Variants in KCNMB4 observed in about 807,000 individuals in gnomAD.
KCNMB4 encodes potassium calcium-activated channel subfamily M regulatory beta subunit 4.
Under a neutral mutation model 20.7 loss-of-function variants are expected in KCNMB4, and 3 were observed. That is an observed-to-expected ratio of 0.14 (90% confidence interval 0.07 to 0.37). The LOEUF (loss-of-function observed/expected upper bound fraction) is 0.37, where lower values mean the gene tolerates loss of function less well. Among genes scored for constraint, KCNMB4 ranks in the 10% least tolerant of loss-of-function variants. KCNMB4 has a pLI of 1.00. For missense variants in KCNMB4, 168 were observed against 265.9 expected (o/e 0.63, Z 2.56); for synonymous variants, 110 against 113.4 (o/e 0.97, Z 0.19).
intron 1 of KCNMB4, among the ~76,000 whole-genome samples, chr12:70,391,931 G>GTATATATAT (rs1868303070): frequency 6.6e-6 from 1 of 152,192 alleles, no homozygotes; most frequent in Non-Finnish European, 1.5e-5. Context: ...TGTGAAATGG[G>GTATATATAT]ATGTATATTA....
intron 1 of KCNMB4, among the ~76,000 whole-genome samples, chr12:70,392,785 G>A (rs577967012): frequency 1.3e-5 from 2 of 152,210 alleles, no homozygotes; most frequent in South Asian, 4.2e-4. Flanking sequence ...TGAAAAATGA[G>A]AACATAGGGA....
At chr12:70,424,966 T>C (rs1869171547) in intron 2 of KCNMB4, among the ~76,000 whole-genome samples, 1 of 152,232 alleles carries the variant, frequency 6.6e-6, no homozygotes. Flanking sequence ...AGCTCAGTTA[T>C]GCCAAAACCA....
chr12:70,401,251 C>T (rs937679189), intron 2 of KCNMB4, among the ~76,000 whole-genome samples: 13 of 152,186 alleles, frequency 8.5e-5, no homozygotes, highest in African/African-American at 2.9e-4. Context: ...GTATCTAACT[C>T]CTGACCTCAA....
rs1479744876 is a variant in KCNMB4 at position 70,366,568 on chromosome 12, G to A, written c.-167G>A. On this transcript the variant is annotated 5_prime_UTR_variant, in exon 1 of 3. Transcript: ENST00000258111. Reference sequence around the variant, plus strand: ...CGCCGCCGCCGCCGGGGGCGTCGCTGGCCTCGGCCCCTTTGTTCTCGCGCG... The same window carrying A: ...CGCCGCCGCCGCCGGGGGCGTCGCTAGCCTCGGCCCCTTTGTTCTCGCGCG... The A allele has an allele frequency of 8.5e-6, 2 of 235,148 alleles. No homozygotes were observed. Among genetic ancestry groups the A allele is most frequent in the East Asian group, 1.4e-4 (1 of 7,302 alleles). The allele number at this position is 235,148 out of a possible 1,614,324, so 14.6% of individuals were successfully genotyped here.
intron 1 of KCNMB4, among the ~76,000 whole-genome samples, chr12:70,376,092 AT>A (rs755309210): frequency 6.6e-6 from 1 of 152,016 alleles, no homozygotes; most frequent in Non-Finnish European, 1.5e-5. Flanking sequence ...CAAGAAAAGC[AT>A]AATTATCTCA....
chr12:70,411,416 AG>A (rs1292390950), intron 2 of KCNMB4, among the ~76,000 whole-genome samples: 1 of 152,212 alleles, frequency 6.6e-6, no homozygotes, highest in Admixed American at 6.5e-5. Context: ...ATGCATTTTT[AG>A]GAAGATTTTT....
chr12:70,379,311 T>A (rs1177110930), intron 1 of KCNMB4, among the ~76,000 whole-genome samples: 1 of 152,260 alleles, frequency 6.6e-6, no homozygotes, highest in Non-Finnish European at 1.5e-5. Flanking sequence ...GAGGGCTGTT[T>A]CATCCATGGT....
rs549762714 is a variant in KCNMB4, at chr12:70,430,935, A to G, written c.*282A>G. The stretch of plus-strand genomic sequence containing the variant: ...AAGAAGTTCATTTTCTTTCAAAAGT[A>G]ACAGTATATTATTTGTACAGTGTAG... On this transcript the variant is annotated 3_prime_UTR_variant, in exon 3 of 3. Coordinates refer to ENST00000258111, the MANE Select transcript of KCNMB4 (RefSeq NM_014505.6). The G allele has an allele frequency of 3.4e-5, 10 of 292,384 alleles. No homozygotes were observed. The South Asian group carries it at 6.7e-4, about 20-fold the overall frequency. 18.1% of individuals were successfully genotyped at this position (292,384 alleles called of 1,614,324 possible).
chr12:70,395,875 T>C (rs921628495), intron 1 of KCNMB4, among the ~76,000 whole-genome samples: 1 of 152,198 alleles, frequency 6.6e-6, no homozygotes, highest in Non-Finnish European at 1.5e-5. Context: ...AGGTCAGAAC[T>C]ATATGAAGAA....
chr12:70,412,226 TGC>T (rs1348983174), intron 2 of KCNMB4, among the ~76,000 whole-genome samples: 3 of 152,330 alleles, frequency 2.0e-5, no homozygotes, highest in Non-Finnish European at 2.9e-5. Flanking sequence ...GGAAAGCCTT[TGC>T]TTTTCTGATG....
At position 70,400,312 on chromosome 12, in the gene KCNMB4, C is replaced by G; in HGVS notation, c.440C>G (p.Thr147Ser). 2 of 1,605,260 alleles carry G rather than the reference C, an allele frequency of 1.2e-6. No individual in the cohort carries two copies. Among genetic ancestry groups the G allele is most frequent in the Non-Finnish European group, 1.7e-6 (2 of 1,177,944 alleles). The change falls in exon 2 of 3, where the codon ACT becomes AGT. Residue 147 changes from threonine to serine, a missense_variant. By Grantham distance (58) the Thr-to-Ser change is moderately conservative (BLOSUM62 1). Coordinates refer to ENST00000258111, the MANE Select transcript of KCNMB4 (RefSeq NM_014505.6). ...GATGAGATTGGTTCCCAGCCATTTA[C>G]TTGCTATTTTAATCAACATCAAAGG... ...WKDEIGSQPFTCYFNQHQRPD... is the reference protein window; with the variant it reads ...WKDEIGSQPFSCYFNQHQRPD...
intron 2 of KCNMB4, among the ~76,000 whole-genome samples, chr12:70,404,878 T>TGGCGCAC (rs1192065863): frequency 6.6e-6 from 1 of 152,216 alleles, no homozygotes; most frequent in African/African-American, 2.4e-5. Flanking sequence ...GTGGGAATCA[T>TGGCGCAC]GGCGCACAAG....
intron 1 of KCNMB4, among the ~76,000 whole-genome samples, chr12:70,395,270 A>G: frequency 6.6e-6 from 1 of 152,130 alleles, no homozygotes; most frequent in Non-Finnish European, 1.5e-5. Flanking sequence ...AAGTCAATGG[A>G]AAACTGGAGA....
At chr12:70,406,139 G>A (rs1868594245) in intron 2 of KCNMB4, among the ~76,000 whole-genome samples, 1 of 151,976 alleles carries the variant, frequency 6.6e-6, no homozygotes, top group Non-Finnish European at 1.5e-5. Flanking sequence ...AGGGGGTAAC[G>A]GAAGTTACTA....
intron 2 of KCNMB4, among the ~76,000 whole-genome samples, chr12:70,405,458 G>A (rs1381991731): frequency 3.3e-5 from 5 of 152,174 alleles, no homozygotes; most frequent in Non-Finnish European, 7.3e-5. Flanking sequence ...ACGCCTCTCA[G>A]AATGACTATT....
chr12:70,420,649 C>T (rs1869026251), intron 2 of KCNMB4, among the ~76,000 whole-genome samples: 1 of 152,298 alleles, frequency 6.6e-6, no homozygotes, highest in Admixed American at 6.5e-5. Flanking sequence ...ATCTGTGTTG[C>T]TTTAAGCTAC....
intron 2 of KCNMB4, among the ~76,000 whole-genome samples, chr12:70,428,957 A>G (rs1869285242): frequency 6.6e-6 from 1 of 152,228 alleles, no homozygotes; most frequent in Non-Finnish European, 1.5e-5. Flanking sequence ...GAAATAAAAC[A>G]TCAATAGAAA....
chr12:70,423,002 C>A (rs773359540), intron 2 of KCNMB4, among the ~76,000 whole-genome samples: 1 of 152,128 alleles, frequency 6.6e-6, no homozygotes, highest in Non-Finnish European at 1.5e-5. Flanking sequence ...AAAACATTTG[C>A]CAAACCCAGC....
intron 1 of KCNMB4, among the ~76,000 whole-genome samples, chr12:70,369,074 T>A (rs1371454530): frequency 6.6e-6 from 1 of 152,220 alleles, no homozygotes; most frequent in African/African-American, 2.4e-5. Context: ...AAATACATTT[T>A]ATAAAGTAAA....
Sources: gnomAD v4.1 joint callset for allele counts (sites outside exome capture counted in the v4.1 genomes callset) on GRCh38, gnomAD v4.1.1 for gene constraint, MANE v1.5 for transcripts, NCBI Gene and HGNC (gene_info 2026-07-23, HGNC 2026-07-21) for gene names.